ASCC1: variants seen among roughly 807,000 people sequenced by gnomAD.
The protein encoded by ASCC1 is ASC-1 complex subunit P50.
ASCC1 carries 35 observed loss-of-function variants against 46.6 expected under a neutral mutation model. The observed-to-expected ratio is 0.75, with a 90% CI of 0.57 to 0.99. ASCC1 has a LOEUF of 0.99. Ranked by LOEUF, ASCC1 falls within the 50% of genes least tolerant of loss-of-function variation. The probability of loss-of-function intolerance (pLI) is 0.00; values close to 1 mark genes in which losing one functional copy is unlikely to be tolerated. For missense variants in ASCC1, 376 were observed against 428.7 expected (o/e 0.88, Z 1.09); for synonymous variants, 143 against 146.6 (o/e 0.98, Z 0.18).
chr10:72,202,185 C>T (rs1564751800), intron 4 of ASCC1, among the ~76,000 whole-genome samples: 2 of 151,992 alleles, frequency 1.3e-5, no homozygotes, highest in South Asian at 2.1e-4. Context: ...AAAGTTCCAT[C>T]GGCCAGACAT....
At chr10:72,215,014 A>G (rs180728918) in intron 1 of ASCC1, among the ~76,000 whole-genome samples, 49 of 152,358 alleles carry the variant, frequency 3.2e-4, no homozygotes, top group Middle Eastern at 3.4e-3. Context: ...GTTAAATTCA[A>G]CCAATATTCC....
At chr10:72,160,827 T>A (rs1228498556) in intron 6 of ASCC1, among the ~76,000 whole-genome samples, 1 of 148,636 alleles carries the variant, frequency 6.7e-6, no homozygotes. Flanking sequence ...CTCACGCCTG[T>A]AATCCCAGCA....
At chr10:72,144,000 T>C (rs1429967740) in intron 7 of ASCC1, among the ~76,000 whole-genome samples, 5 of 151,948 alleles carry the variant, frequency 3.3e-5, no homozygotes, top group African/African-American at 1.2e-4. Context: ...CTTTTCTTTC[T>C]TTCTTTTTTT....
At chr10:72,113,313 TG>T (rs1324855243) in intron 9 of ASCC1, among the ~76,000 whole-genome samples, 56 of 152,318 alleles carry the variant, frequency 3.7e-4, no homozygotes, top group African/African-American at 1.3e-3. Flanking sequence ...GGACAACACA[TG>T]GAAGTATTCC....
intron 9 of ASCC1, chr10:72,102,344 T>G (rs926417713): frequency 6.5e-7 from 1 of 1,549,280 alleles, no homozygotes; most frequent in Non-Finnish European, 8.7e-7. Flanking sequence ...CCACTAGCTC[T>G]CTGTGTCCCA....
chr10:72,127,842 C>T (rs568374801), intron 9 of ASCC1, among the ~76,000 whole-genome samples: 4 of 151,842 alleles, frequency 2.6e-5, no homozygotes, highest in South Asian at 2.1e-4. Flanking sequence ...AGCAACAGAG[C>T]GAGACACTGT....
At chr10:72,160,879 C>T (rs1415727193) in intron 6 of ASCC1, among the ~76,000 whole-genome samples, 1 of 150,456 alleles carries the variant, frequency 6.6e-6, no homozygotes, top group Non-Finnish European at 1.5e-5. Context: ...GTCAAGAGAT[C>T]AAGACCATCC....
chr10:72,103,275 G>A (rs1564573123), intron 9 of ASCC1, among the ~76,000 whole-genome samples: 1 of 151,696 alleles, frequency 6.6e-6, no homozygotes, highest in Non-Finnish European at 1.5e-5. Context: ...TGGGACTACA[G>A]GCGCCTGCCA....
In ASCC1 at chr10:72,158,444, G is replaced by A. The variant is rs74145594; in HGVS notation, c.626+3094C>T. On this transcript the variant is annotated intron_variant, in intron 6 of 9. Transcript: ENST00000672957. ...GACTCCGTACTCAGAGCCAGTGCAC[G>A]GTCTGTGTCCTACATCTCACAAAGG... is the stretch of plus-strand genomic sequence containing the variant. 9.8e-3 allele frequency among the ~76,000 whole-genome samples: 1,486 copies of A among 152,184 alleles called. 27 individuals are homozygous for A. Among genetic ancestry groups the A allele is most frequent in the African/African-American group, 0.034 (1,398 of 41,508 alleles).
At chr10:72,204,227 C>T (rs1400877636) in intron 3 of ASCC1, among the ~76,000 whole-genome samples, 2 of 152,184 alleles carry the variant, frequency 1.3e-5, no homozygotes, top group South Asian at 2.1e-4. Flanking sequence ...CCAGCCTGGG[C>T]GACAAGAACG....
intron 7 of ASCC1, among the ~76,000 whole-genome samples, chr10:72,143,283 C>T (rs776196479): frequency 6.6e-6 from 1 of 151,736 alleles, no homozygotes; most frequent in Non-Finnish European, 1.5e-5. Context: ...AATGATACTG[C>T]TTTCTGTTTG....
intron 5 of ASCC1, among the ~76,000 whole-genome samples, chr10:72,173,464 TAC>T (rs1422936786): frequency 6.6e-6 from 1 of 152,104 alleles, no homozygotes; most frequent in Non-Finnish European, 1.5e-5. Flanking sequence ...CAAGACAAGG[TAC>T]AGACAGGACA....
intron 9 of ASCC1, among the ~76,000 whole-genome samples, chr10:72,123,721 A>G (rs1844506557): frequency 6.6e-6 from 1 of 152,222 alleles, no homozygotes; most frequent in South Asian, 2.1e-4. Context: ...TTCAAAACAA[A>G]ATATTCATTC....
chr10:72,117,223 A>G (rs2132088240), intron 9 of ASCC1, among the ~76,000 whole-genome samples: 1 of 152,342 alleles, frequency 6.6e-6, no homozygotes, highest in Admixed American at 6.5e-5. Flanking sequence ...GAGTTTTATA[A>G]GTCTGTTTGC....
chr10:72,146,112 T>C (rs1847595800), intron 7 of ASCC1, among the ~76,000 whole-genome samples: 1 of 152,352 alleles, frequency 6.6e-6, no homozygotes, highest in South Asian at 2.1e-4. Context: ...ACCTCCTCCA[T>C]GAAGCCTTCC....
intron 5 of ASCC1, among the ~76,000 whole-genome samples, chr10:72,192,275 G>A (rs753861340): frequency 1.3e-5 from 2 of 151,946 alleles, no homozygotes; most frequent in African/African-American, 2.4e-5. Context: ...CCAATATGGT[G>A]AAACCCCATC....
rs111552733 is a variant in ASCC1 at position 72,207,586 on chromosome 10, C to T, written c.212+3146G>A. Reference sequence around the variant, plus strand: ...CAAATAGTGATACCTGGGTCCTGCTCCCACAGACTCTGATTTAATCGGTCT... The same window carrying T: ...CAAATAGTGATACCTGGGTCCTGCTTCCACAGACTCTGATTTAATCGGTCT... On this transcript the variant is annotated intron_variant, in intron 3 of 9. Coordinates refer to ENST00000672957, the MANE Select transcript of ASCC1 (RefSeq NM_001198800.3). 8.3e-4 allele frequency among the ~76,000 whole-genome samples: 126 copies of T among 152,220 alleles called. 1 individual carries two copies. In the Middle Eastern group the frequency reaches 0.017, roughly 21 times the overall value.
chr10:72,161,395 G>T, intron 6 of ASCC1, 143 bp downstream of exon 6: 2 of 976,016 alleles, frequency 2.0e-6, no homozygotes, highest in Non-Finnish European at 3.2e-6. Context: ...TGAGAGGTTA[G>T]CCTGTATTGC....
At chr10:72,181,376 C>A (rs1554836879) in intron 5 of ASCC1, among the ~76,000 whole-genome samples, 1 of 152,090 alleles carries the variant, frequency 6.6e-6, no homozygotes, top group Non-Finnish European at 1.5e-5. Context: ...CTTGGACTAA[C>A]AGACAAGTTA....
Sources: allele counts gnomAD v4.1 joint callset (sites outside exome capture counted in the v4.1 genomes callset), GRCh38; gene constraint gnomAD v4.1.1; transcripts MANE v1.5; gene names NCBI Gene and HGNC (gene_info 2026-07-23, HGNC 2026-07-21).